The following STARD13 variants were observed in gnomAD, a reference collection of about 807,000 sequenced individuals.
STARD13 encodes StAR related lipid transfer domain containing 13, also known as stAR-related lipid transfer protein 13.
A neutral mutation model predicts 106.4 loss-of-function variants in STARD13; 62 were observed. That is an observed-to-expected ratio of 0.58 (90% CI 0.48 to 0.72). The LOEUF is 0.72. Ranked by LOEUF, STARD13 falls within the 30% of genes least tolerant of loss-of-function variation. The pLI, the probability that STARD13 is intolerant of heterozygous loss-of-function variation, is 0.00. For missense variants in STARD13, 1,387 were observed against 1,424.0 expected, an observed-to-expected ratio of 0.97 and a Z score of 0.42; for synonymous variants, 565 against 553.0, an observed-to-expected ratio of 1.02 and a Z score of -0.31.
chr13:33,356,713 A>G, the STARD13 span, among the ~76,000 whole-genome samples: 1 of 152,172 alleles, frequency 6.6e-6, no homozygotes, highest in African/African-American at 2.4e-5. Context: ...TTTAATTGCT[A>G]TTGTTGTTGT....
At chr13:33,252,038 C>T (rs944677214) in intron 1 of STARD13, among the ~76,000 whole-genome samples, 13 of 152,280 alleles carry the variant, frequency 8.5e-5, no homozygotes, top group African/African-American at 2.4e-4. Context: ...AATAATCACA[C>T]GTTAAATAAG....
the STARD13 span, among the ~76,000 whole-genome samples, chr13:33,564,399 G>GC: frequency 6.9e-6 from 1 of 145,586 alleles, no homozygotes; most frequent in Admixed American, 7.1e-5. Flanking sequence ...ATGGATGCTG[G>GC]CGAGGTATGG....
At chr13:33,122,272 A>T (rs1876452151) in intron 7 of STARD13, among the ~76,000 whole-genome samples, 1 of 152,214 alleles carries the variant, frequency 6.6e-6, no homozygotes, top group Non-Finnish European at 1.5e-5. Flanking sequence ...GTGAGCCACC[A>T]TACCTGCCCT....
chr13:33,499,782 A>G, the STARD13 span, among the ~76,000 whole-genome samples: 1 of 63,980 alleles, frequency 1.6e-5, no homozygotes, highest in Admixed American at 2.2e-4. Flanking sequence ...TTTTTTTTTT[A>G]GAGACAAGGT....
At chr13:33,233,280 T>G (rs776704086) in intron 1 of STARD13, among the ~76,000 whole-genome samples, 13 of 152,228 alleles carry the variant, frequency 8.5e-5, no homozygotes, top group Non-Finnish European at 1.3e-4. Flanking sequence ...TACCTACCCT[T>G]TCCTAATTGG....
the STARD13 span, among the ~76,000 whole-genome samples, chr13:33,548,423 C>A: frequency 8.5e-5 from 13 of 152,244 alleles, no homozygotes; most frequent in South Asian, 2.7e-3. Flanking sequence ...CTTATTGACA[C>A]AACATAGCAG....
chr13:33,499,604 T>TTCTTCTTTCTTCTTCTTC, the STARD13 span, among the ~76,000 whole-genome samples: 2 of 39,896 alleles, frequency 5.0e-5, no homozygotes, highest in African/African-American at 9.1e-5. Flanking sequence ...CTTCTTCTTC[T>TTCTTCTTTCTTCTTCTTC]TTCTTCTTCT....
At chr13:33,349,829 T>C (rs2078055013) in intron 1 of STARD13, among the ~76,000 whole-genome samples, 1 of 152,200 alleles carries the variant, frequency 6.6e-6, no homozygotes, top group East Asian at 1.9e-4. Flanking sequence ...GACGTGCTCC[T>C]TGCCTTGCAT....
the STARD13 span, among the ~76,000 whole-genome samples, chr13:33,528,244 A>ATATATATG: frequency 1.6e-5 from 2 of 121,828 alleles, no homozygotes; most frequent in South Asian, 2.3e-4. Flanking sequence ...ATATATATAC[A>ATATATATG]TATATATATA....
At chr13:33,656,190 A>G in the STARD13 span, among the ~76,000 whole-genome samples, 20 of 152,350 alleles carry the variant, frequency 1.3e-4, no homozygotes, top group East Asian at 1.3e-3. Context: ...CTGATTTGAT[A>G]TAGTCTGGTT....
the STARD13 span, among the ~76,000 whole-genome samples, chr13:33,591,122 C>T: frequency 3.3e-5 from 5 of 152,266 alleles, no homozygotes; most frequent in Admixed American, 6.5e-5. Flanking sequence ...ACCTTACCCA[C>T]GCAAGAGCTG....
At chr13:33,346,880 C>G (rs2078023368), downstream of STARD13, among the ~76,000 whole-genome samples, 1 of 151,994 alleles carries the variant, frequency 6.6e-6, no homozygotes. Context: ...GCAGGTGATC[C>G]ACCTGCCTCA....
At chr13:33,580,262 A>G in the STARD13 span, among the ~76,000 whole-genome samples, 5 of 152,258 alleles carry the variant, frequency 3.3e-5, no homozygotes, top group Non-Finnish European at 4.4e-5. Flanking sequence ...GGAACCTTAA[A>G]TACATACTGC....
chr13:33,365,399 A>T, the STARD13 span, among the ~76,000 whole-genome samples: 1 of 152,248 alleles, frequency 6.6e-6, no homozygotes, highest in Non-Finnish European at 1.5e-5. Context: ...AACAGTACAC[A>T]GCTGGTGCCT....
At chr13:33,202,569 G>A (rs972737135) in intron 1 of STARD13, among the ~76,000 whole-genome samples, 1 of 152,214 alleles carries the variant, frequency 6.6e-6, no homozygotes, top group African/African-American at 2.4e-5. Context: ...AGGAAGATGT[G>A]TAAATAAAGA....
At chr13:33,542,170 C>T in the STARD13 span, among the ~76,000 whole-genome samples, 2 of 152,154 alleles carry the variant, frequency 1.3e-5, no homozygotes, top group Non-Finnish European at 2.9e-5. Flanking sequence ...TGTTTGCGTG[C>T]CTTTTTTATT....
intron 1 of STARD13, among the ~76,000 whole-genome samples, chr13:33,265,578 T>C (rs1370323174): frequency 6.6e-6 from 1 of 152,180 alleles, no homozygotes; most frequent in Non-Finnish European, 1.5e-5. Context: ...ACTCTAAGAA[T>C]TATAAAATAT....
chr13:33,628,469 C>T, the STARD13 span, among the ~76,000 whole-genome samples: 6 of 152,124 alleles, frequency 3.9e-5, no homozygotes, highest in Non-Finnish European at 1.5e-5. Flanking sequence ...TTGTAAGGAA[C>T]CTATTCTAAT....
chr13:33,660,770 G>A, the STARD13 span, among the ~76,000 whole-genome samples: 21 of 152,142 alleles, frequency 1.4e-4, no homozygotes, highest in African/African-American at 4.1e-4. Context: ...TTTCTGTAGA[G>A]ACAAAGTCTC....
Sources: gnomAD v4.1 joint callset for allele counts (sites outside exome capture counted in the v4.1 genomes callset) on GRCh38, gnomAD v4.1.1 for gene constraint, MANE v1.5 for transcripts, NCBI Gene and HGNC (gene_info 2026-07-23, HGNC 2026-07-21) for gene names.